Variants in GPC5 observed in about 807,000 individuals in gnomAD.
GPC5 encodes glypican-5.
GPC5 carries 47 observed loss-of-function variants against 53.9 expected under a neutral mutation model. That is an observed-to-expected ratio of 0.87 (90% CI 0.69 to 1.11). GPC5 has a LOEUF of 1.11. GPC5 is among the 50% of genes most tolerant of loss of function. The probability of loss-of-function intolerance (pLI) is 0.00; values close to 1 mark genes in which losing one functional copy is unlikely to be tolerated. For missense variants in GPC5, 748 were observed against 713.1 expected, an observed-to-expected ratio of 1.05 and a Z score of -0.56; for synonymous variants, 286 against 263.3, an observed-to-expected ratio of 1.09 and a Z score of -0.84.
At chr13:92,753,869 G>T (rs1874710950) in intron 7 of GPC5, among the ~76,000 whole-genome samples, 1 of 152,150 alleles carries the variant, frequency 6.6e-6, no homozygotes, top group Admixed American at 6.5e-5. Flanking sequence ...ATACCTGAAA[G>T]TGACAGGGAG....
chr13:92,767,390 G>A (rs898782972), intron 7 of GPC5, among the ~76,000 whole-genome samples: 36 of 152,212 alleles, frequency 2.4e-4, no homozygotes, highest in Admixed American at 6.5e-4. Flanking sequence ...AGAATCACTC[G>A]AACCTGGGAG....
chr13:92,167,872 G>GA (rs5805731), intron 7 of GPC5, among the ~76,000 whole-genome samples: 97,672 of 146,064 alleles, frequency 0.67, 32,273 homozygotes, highest in South Asian at 0.81. Flanking sequence ...TTAGGACCAA[G>GA]AAAAAAAAAA....
At chr13:92,709,823 A>T (rs558936728) in intron 7 of GPC5, among the ~76,000 whole-genome samples, 1 of 152,314 alleles carries the variant, frequency 6.6e-6, no homozygotes, top group South Asian at 2.1e-4. Context: ...AACATAATGC[A>T]ATTTGCCAAA....
At chr13:92,449,205 G>A (rs1015351946) in intron 7 of GPC5, 2 of 152,192 alleles carry the variant, frequency 1.3e-5, no homozygotes, top group East Asian at 1.9e-4. Context: ...CAAAAGAAAC[G>A]ATGATAACAA....
intron 6 of GPC5, among the ~76,000 whole-genome samples, chr13:91,942,397 T>C (rs2039935391): frequency 6.6e-6 from 1 of 152,008 alleles, no homozygotes; most frequent in African/African-American, 2.4e-5. Context: ...AATAGAACAA[T>C]GACACAAAAA....
At chr13:92,050,524 A>T (rs1047463411) in intron 6 of GPC5, among the ~76,000 whole-genome samples, 1 of 152,178 alleles carries the variant, frequency 6.6e-6, no homozygotes, top group East Asian at 1.9e-4. Flanking sequence ...TTTGTTTGAG[A>T]TCAGTGCCAA....
At chr13:91,652,978 T>C (rs2034753740) in intron 2 of GPC5, among the ~76,000 whole-genome samples, 2 of 152,218 alleles carry the variant, frequency 1.3e-5, no homozygotes, top group Admixed American at 1.3e-4. Context: ...CTGATCAACG[T>C]ATAACCTGCT....
At chr13:91,635,937 T>G (rs962544026) in intron 2 of GPC5, among the ~76,000 whole-genome samples, 1 of 152,158 alleles carries the variant, frequency 6.6e-6, no homozygotes, top group Non-Finnish European at 1.5e-5. Flanking sequence ...CATGTGAGTC[T>G]TCTTTTATCT....
At chr13:91,710,678 A>G (rs1043843806) in intron 3 of GPC5, among the ~76,000 whole-genome samples, 1 of 152,194 alleles carries the variant, frequency 6.6e-6, no homozygotes, top group African/African-American at 2.4e-5. Context: ...AGGCAGCCCA[A>G]GCTGCCCAGG....
intron 7 of GPC5, among the ~76,000 whole-genome samples, chr13:92,466,810 A>G (rs1394108150): frequency 2.6e-5 from 4 of 152,060 alleles, no homozygotes. Flanking sequence ...TGGGGTTAAT[A>G]CCGTAAAAAG....
intron 7 of GPC5, among the ~76,000 whole-genome samples, chr13:92,594,388 A>G (rs929001470): frequency 6.6e-6 from 1 of 152,218 alleles, no homozygotes; most frequent in Non-Finnish European, 1.5e-5. Context: ...GCAGTGCCTT[A>G]CTGACATGGA....
At chr13:91,691,182 A>G (rs533854188) in intron 2 of GPC5, among the ~76,000 whole-genome samples, 11 of 152,332 alleles carry the variant, frequency 7.2e-5, no homozygotes, top group Admixed American at 1.3e-4. Flanking sequence ...TCATAGTGGA[A>G]TGCTTGCTGA....
chr13:91,527,272 G>T (rs1476413120), intron 2 of GPC5, among the ~76,000 whole-genome samples: 1 of 152,224 alleles, frequency 6.6e-6, no homozygotes, highest in Non-Finnish European at 1.5e-5. Flanking sequence ...TACAGGCATT[G>T]GGTAAATGTT....
intron 5 of GPC5, among the ~76,000 whole-genome samples, chr13:91,809,862 C>T (rs1309756838): frequency 2.0e-5 from 3 of 151,920 alleles, no homozygotes; most frequent in East Asian, 3.9e-4. Context: ...TAATATTAAT[C>T]TGGTAAGAAG....
chr13:91,643,646 G>C (rs1311017826), intron 2 of GPC5, among the ~76,000 whole-genome samples: 1 of 152,212 alleles, frequency 6.6e-6, no homozygotes, highest in Non-Finnish European at 1.5e-5. Flanking sequence ...AGGCTGGGAA[G>C]TCCAAGACCG....
intron 5 of GPC5, among the ~76,000 whole-genome samples, chr13:91,789,459 AT>A (rs2037929569): frequency 6.6e-6 from 1 of 152,126 alleles, no homozygotes; most frequent in Admixed American, 6.5e-5. Context: ...AATAAAAACA[AT>A]TTTTCCATAT....
chr13:92,607,975 C>A (rs1884310028), intron 7 of GPC5, among the ~76,000 whole-genome samples: 1 of 152,194 alleles, frequency 6.6e-6, no homozygotes, highest in Non-Finnish European at 1.5e-5. Context: ...TTATAACTAT[C>A]TACTTCCACT....
chr13:91,957,481 C>T (rs997811969), intron 6 of GPC5, among the ~76,000 whole-genome samples: 6 of 152,088 alleles, frequency 3.9e-5, no homozygotes, highest in African/African-American at 1.2e-4. Context: ...CGGAGATCCC[C>T]AAATACATAC....
At chr13:91,794,202 TA>T (rs1370986857) in intron 5 of GPC5, among the ~76,000 whole-genome samples, 1 of 152,208 alleles carries the variant, frequency 6.6e-6, no homozygotes, top group Non-Finnish European at 1.5e-5. Flanking sequence ...AAGACTTATT[TA>T]ATTCCAACAC....
Sources: gnomAD v4.1 joint callset for allele counts (sites outside exome capture counted in the v4.1 genomes callset) on GRCh38, gnomAD v4.1.1 for gene constraint, MANE v1.5 for transcripts, NCBI Gene and HGNC (gene_info 2026-07-23, HGNC 2026-07-21) for gene names.